The following RAP1GAP2 variants were observed in gnomAD, a reference collection of about 807,000 sequenced individuals.
RAP1GAP2 encodes the protein RAP1 GTPase activating protein 2.
Under a neutral mutation model 95.0 loss-of-function variants are expected in RAP1GAP2, and 27 were observed. That is an observed-to-expected ratio of 0.28 (90% CI 0.21 to 0.39). The LOEUF is 0.39. Ranked by LOEUF, RAP1GAP2 falls within the 10% of genes least tolerant of loss-of-function variation. RAP1GAP2 has a pLI of 1.00. For missense variants in RAP1GAP2, 771 were observed against 970.0 expected (o/e 0.79, Z 2.72); for synonymous variants, 373 against 380.9 (o/e 0.98, Z 0.24).
At chr17:2,777,526 TG>T (rs1278167240) in intron 1 of RAP1GAP2, among the ~76,000 whole-genome samples, 2 of 151,730 alleles carry the variant, frequency 1.3e-5, no homozygotes, top group Non-Finnish European at 2.9e-5. Context: ...CGGCCCTGAG[TG>T]GGGGGTCCAG....
intron 9 of RAP1GAP2, 94 bp from the exon 10 acceptor site, chr17:2,981,101 C>T (rs910527402): frequency 2.5e-4 from 294 of 1,195,566 alleles, no homozygotes; most frequent in Middle Eastern, 6.2e-4. Context: ...CCATGTGCCT[C>T]GCCCTCCCAT....
intron 8 of RAP1GAP2, among the ~76,000 whole-genome samples, chr17:2,973,589 T>C (rs144413714): frequency 6.6e-6 from 1 of 152,250 alleles, no homozygotes; most frequent in East Asian, 1.9e-4. Flanking sequence ...CAACATGGGA[T>C]AAAATCTAGT....
intron 1 of RAP1GAP2, among the ~76,000 whole-genome samples, chr17:2,769,995 C>G (rs2068355718): frequency 6.8e-6 from 1 of 146,008 alleles, no homozygotes; most frequent in Non-Finnish European, 1.5e-5. Flanking sequence ...ATCGCTTGAA[C>G]TTGGGAGGTG....
At chr17:2,760,501 C>T (rs571284915) in intron 1 of RAP1GAP2, among the ~76,000 whole-genome samples, 7 of 150,344 alleles carry the variant, frequency 4.7e-5, no homozygotes, top group Non-Finnish European at 7.4e-5. Context: ...CCACCACACC[C>T]GGCTAATTTT....
At chr17:2,962,842 C>A in intron 5 of RAP1GAP2, 128 bp downstream of exon 5, 1 of 905,722 alleles carries the variant, frequency 1.1e-6, no homozygotes, top group Non-Finnish European at 1.6e-6. Flanking sequence ...ACTCGCACCA[C>A]GGGCCGCTTC....
chr17:2,832,374 C>T (rs190146837), intron 2 of RAP1GAP2, among the ~76,000 whole-genome samples: 6,363 of 150,240 alleles, frequency 0.042, 332 homozygotes, highest in Admixed American at 0.11. Flanking sequence ...CTGGCTAAAA[C>T]GGTGAAACCC....
intron 3 of RAP1GAP2, among the ~76,000 whole-genome samples, chr17:2,943,301 A>G (rs574158125): frequency 6.6e-6 from 1 of 152,336 alleles, no homozygotes; most frequent in African/African-American, 2.4e-5. Flanking sequence ...CAAACCATAT[A>G]TCAGATAAGG....
At chr17:2,920,597 C>G (rs79756804) in intron 3 of RAP1GAP2, among the ~76,000 whole-genome samples, 2,934 of 152,312 alleles carry the variant, frequency 0.019, 44 homozygotes, top group South Asian at 0.036. Flanking sequence ...CCTCGGTTTC[C>G]TCATTTATAG....
chr17:2,857,330 G>C lies in RAP1GAP2; in HGVS notation c.81-47954G>C, dbSNP rs1192058172. ...TCTCCAGGCCACTTGGAAATATTGC[G>C]TATTAGGGGACAGGGAGGTGTGCCA... On this transcript the variant is annotated intron_variant, in intron 2 of 24. Transcript: ENST00000254695. This position sits in a 1 kb window ranked among gnomAD's most constrained non-coding sequence, Gnocchi z 4.0. Among the ~76,000 whole-genome samples the C allele has an allele frequency of 6.6e-6, 1 of 152,128 alleles. No individual in the cohort carries two copies. Among genetic ancestry groups the C allele is most frequent in the South Asian group, 2.1e-4 (1 of 4,828 alleles).
At chr17:2,762,187 C>A (rs1482065335) in intron 1 of RAP1GAP2, among the ~76,000 whole-genome samples, 1 of 151,228 alleles carries the variant, frequency 6.6e-6, no homozygotes, top group Non-Finnish European at 1.5e-5. Flanking sequence ...CGGGGTTTCA[C>A]CGTGTTAGCC....
chr17:2,858,012 ACTG>A (rs1018832423), intron 2 of RAP1GAP2, among the ~76,000 whole-genome samples: 2 of 152,138 alleles, frequency 1.3e-5, no homozygotes, highest in African/African-American at 4.8e-5. Flanking sequence ...AGGCAGGACA[ACTG>A]CTTGAACCCG....
chr17:2,824,625 A>G (rs879451343), intron 2 of RAP1GAP2, among the ~76,000 whole-genome samples: 26 of 149,920 alleles, frequency 1.7e-4, no homozygotes, highest in Non-Finnish European at 2.2e-4. Flanking sequence ...CTGTAATCCT[A>G]GCTACTCGGG....
At chr17:2,832,002 G>A (rs1597393847) in intron 2 of RAP1GAP2, among the ~76,000 whole-genome samples, 1 of 151,292 alleles carries the variant, frequency 6.6e-6, no homozygotes, top group Non-Finnish European at 1.5e-5. Flanking sequence ...TTAGGAGTTC[G>A]AGACCAGCCT....
At chr17:2,782,462 T>C (rs1194424052) in intron 1 of RAP1GAP2, among the ~76,000 whole-genome samples, 5 of 152,150 alleles carry the variant, frequency 3.3e-5, no homozygotes, top group Non-Finnish European at 4.4e-5. Flanking sequence ...AGTGCAGCTG[T>C]GATGAGGCTC....
intron 2 of RAP1GAP2, among the ~76,000 whole-genome samples, chr17:2,879,698 C>G (rs939016987): frequency 6.6e-6 from 1 of 150,988 alleles, no homozygotes; most frequent in Non-Finnish European, 1.5e-5. Context: ...GGCACTCCAG[C>G]CTGGGCGACA....
At chr17:2,956,944 T>C (rs1027491353) in intron 3 of RAP1GAP2, among the ~76,000 whole-genome samples, 24 of 152,032 alleles carry the variant, frequency 1.6e-4, no homozygotes, top group Non-Finnish European at 2.5e-4. Context: ...CTGGCCAACA[T>C]AGTGAAACCC....
At chr17:2,970,199 G>A (rs1380747159) in intron 8 of RAP1GAP2, among the ~76,000 whole-genome samples, 3 of 150,432 alleles carry the variant, frequency 2.0e-5, no homozygotes, top group Non-Finnish European at 3.0e-5. Flanking sequence ...ACTTGAACCC[G>A]GGATGCGCAG....
intron 3 of RAP1GAP2, among the ~76,000 whole-genome samples, chr17:2,922,023 T>C (rs781600320): frequency 6.6e-6 from 1 of 152,256 alleles, no homozygotes; most frequent in Non-Finnish European, 1.5e-5. Flanking sequence ...ATATCTGTTA[T>C]CTCAGTCTGT....
At chr17:2,830,943 C>G (rs1308462121) in intron 2 of RAP1GAP2, among the ~76,000 whole-genome samples, 3 of 127,806 alleles carry the variant, frequency 2.3e-5, no homozygotes, top group African/African-American at 8.8e-5. Context: ...CACTCCCCTT[C>G]CCTCCCTTCC....
Sources: gnomAD v4.1 joint callset for allele counts (sites outside exome capture counted in the v4.1 genomes callset) on GRCh38, gnomAD v4.1.1 for gene constraint, Gnocchi (gnomAD v3.1) non-coding constraint, MANE v1.5 for transcripts, NCBI Gene and HGNC (gene_info 2026-07-23, HGNC 2026-07-21) for gene names.